NCOA1: variants seen among roughly 807,000 people sequenced by gnomAD.
NCOA1 encodes the protein Hin-2 protein.
Under a neutral mutation model 150.9 loss-of-function variants are expected in NCOA1, and 35 were observed. That is an observed-to-expected ratio of 0.23 (90% confidence interval 0.18 to 0.31). The LOEUF (loss-of-function observed/expected upper bound fraction) is 0.31, where lower values mean the gene tolerates loss of function less well. Ranked by LOEUF, NCOA1 falls within the 10% of genes least tolerant of loss-of-function variation. The pLI, the probability that NCOA1 is intolerant of heterozygous loss-of-function variation, is 1.00. For missense variants in NCOA1, 1,491 were observed against 1,749.3 expected (o/e 0.85, Z 2.63); for synonymous variants, 590 against 630.0 (o/e 0.94, Z 0.95).
chr2:24,672,603 C>T (rs1361763611), intron 6 of NCOA1, among the ~76,000 whole-genome samples: 1 of 152,116 alleles, frequency 6.6e-6, no homozygotes, highest in Non-Finnish European at 1.5e-5. Flanking sequence ...CGCTATGTTG[C>T]CCAGGCTGTT....
In NCOA1 at chr2:24,588,470, A is replaced by T. The variant is rs56093174; in HGVS notation, c.-175+3910A>T. On this transcript the variant is annotated intron_variant, in intron 3 of 22. Coordinates refer to ENST00000348332, the MANE Select transcript of NCOA1 (RefSeq NM_003743.5). ...TGGAAAGGAATTTTTCTGCAGGGAG[A>T]GTTCTGATTAGTTCTGAGTTGCCTT... Among the ~76,000 whole-genome samples, 348 of 152,132 alleles carry T rather than the reference A, an allele frequency of 2.3e-3. 2 individuals are homozygous for T. The highest frequency in any genetic ancestry group is 0.01 in the Middle Eastern group (3 of 294).
chr2:24,737,212 C>T (rs920006326), intron 17 of NCOA1, among the ~76,000 whole-genome samples: 1 of 152,132 alleles, frequency 6.6e-6, no homozygotes, highest in Non-Finnish European at 1.5e-5. Flanking sequence ...GGAACTTGAC[C>T]TACTTGTTGA....
At chr2:24,627,121 GTTTTTTT>G (rs33949925) in intron 3 of NCOA1, among the ~76,000 whole-genome samples, 2 of 115,162 alleles carry the variant, frequency 1.7e-5, no homozygotes, top group Non-Finnish European at 3.5e-5. Context: ...GTTTTTTGCT[GTTTTTTT>G]TTTTTTTTTT....
intron 13 of NCOA1, 79 bp from the exon 14 acceptor site, chr2:24,710,852 A>T (rs1182518792): frequency 3.6e-5 from 50 of 1,379,546 alleles, no homozygotes; most frequent in Non-Finnish European, 1.5e-5. Context: ...ATAGAGTTTA[A>T]AGAAGCAGCA....
chr2:24,498,645 G>A (rs1422057758), intron 1 of NCOA1, among the ~76,000 whole-genome samples: 2 of 152,170 alleles, frequency 1.3e-5, no homozygotes, highest in African/African-American at 4.8e-5. Flanking sequence ...GAGTAATGCA[G>A]GGGAAAGTGC....
intron 5 of NCOA1, among the ~76,000 whole-genome samples, chr2:24,660,364 A>G (rs1671129475): frequency 1.3e-5 from 2 of 152,106 alleles, no homozygotes; most frequent in Non-Finnish European, 2.9e-5. Flanking sequence ...TTTTGTTAAT[A>G]TGTTATCATA....
At chr2:24,713,604 CTG>C (rs1035584750) in intron 14 of NCOA1, among the ~76,000 whole-genome samples, 42 of 152,204 alleles carry the variant, frequency 2.8e-4, no homozygotes, top group African/African-American at 8.9e-4. Flanking sequence ...AGTCCTCCCA[CTG>C]TAAATAACGG....
At chr2:24,665,695 G>A in intron 5 of NCOA1, 54 bp from the exon 6 acceptor site, 1 of 1,325,182 alleles carries the variant, frequency 7.5e-7, no homozygotes, top group South Asian at 2.2e-5. Context: ...CTTGATCAGA[G>A]AAGGAAATAT....
chr2:24,492,136 G>C (rs1460266003), intron 1 of NCOA1: 11 of 152,178 alleles, frequency 7.2e-5, no homozygotes, highest in Admixed American at 7.2e-4. Context: ...ACGGCGCTTG[G>C]GTTTGACCCC....
At chr2:24,689,097 G>A (rs997727715) in intron 8 of NCOA1, among the ~76,000 whole-genome samples, 1 of 151,878 alleles carries the variant, frequency 6.6e-6, no homozygotes, top group Admixed American at 6.6e-5. Flanking sequence ...TTCTATTTTG[G>A]TACCATACTG....
chr2:24,731,176 C>CTTTCTGTTTAGTAAGT (rs1662993022), intron 17 of NCOA1, among the ~76,000 whole-genome samples: 1 of 152,006 alleles, frequency 6.6e-6, no homozygotes, highest in Non-Finnish European at 1.5e-5. Flanking sequence ...AAAGAGGTTC[C>CTTTCTGTTTAGTAAGT]CTGGAGACTT....
intron 3 of NCOA1, among the ~76,000 whole-genome samples, chr2:24,623,207 G>A (rs945775745): frequency 6.6e-6 from 1 of 152,176 alleles, no homozygotes. Context: ...AACAAGTGAT[G>A]AATATTCAAA....
intron 16 of NCOA1, among the ~76,000 whole-genome samples, chr2:24,729,151 GC>G (rs1321608754): frequency 6.6e-6 from 1 of 152,070 alleles, no homozygotes; most frequent in Non-Finnish European, 1.5e-5. Flanking sequence ...AAAAATGCCT[GC>G]TTGATCCCTC....
At chr2:24,529,900 A>G (rs1664807639) in intron 1 of NCOA1, among the ~76,000 whole-genome samples, 1 of 152,242 alleles carries the variant, frequency 6.6e-6, no homozygotes, top group Non-Finnish European at 1.5e-5. Flanking sequence ...GTGATAAAAT[A>G]TAGACATTCT....
intron 3 of NCOA1, among the ~76,000 whole-genome samples, chr2:24,617,874 C>T (rs1177094988): frequency 1.3e-5 from 2 of 151,816 alleles, no homozygotes; most frequent in African/African-American, 4.9e-5. Flanking sequence ...CTGTGATATA[C>T]ACACACACGC....
chr2:24,529,762 C>G (rs1332042918), intron 1 of NCOA1, among the ~76,000 whole-genome samples: 2 of 152,264 alleles, frequency 1.3e-5, no homozygotes, highest in East Asian at 3.9e-4. Flanking sequence ...CTCTTTAGTA[C>G]TGGCATAATT....
intron 3 of NCOA1, among the ~76,000 whole-genome samples, chr2:24,628,592 A>T (rs568366872): frequency 1.3e-5 from 2 of 152,360 alleles, no homozygotes; most frequent in South Asian, 4.1e-4. Flanking sequence ...CACAACAAAT[A>T]TGTAAATAAA....
chr2:24,629,817 C>CATATACATATATATATATATATATATAT (rs1553439184), intron 3 of NCOA1, among the ~76,000 whole-genome samples: 4 of 79,342 alleles, frequency 5.0e-5, no homozygotes, highest in African/African-American at 1.8e-4. Flanking sequence ...AACATACATA[C>CATATACATATATATATATATATATATAT]ATATATATAT....
intron 2 of NCOA1, among the ~76,000 whole-genome samples, chr2:24,573,712 A>T (rs1006059561): frequency 2.0e-5 from 3 of 152,152 alleles, no homozygotes; most frequent in African/African-American, 7.2e-5. Flanking sequence ...CTGAAACTAC[A>T]TATGTCCATT....
Sources: allele counts gnomAD v4.1 joint callset (sites outside exome capture counted in the v4.1 genomes callset), GRCh38; gene constraint gnomAD v4.1.1; transcripts MANE v1.5; gene names NCBI Gene and HGNC (gene_info 2026-07-23, HGNC 2026-07-21).